The following RALB variants were observed in gnomAD, a reference collection of about 807,000 sequenced individuals.
RALB encodes the protein ras-related protein Ral-B.
A neutral mutation model predicts 21.3 loss-of-function variants in RALB; 16 were observed. The observed-to-expected ratio is 0.75, with a 90% CI of 0.51 to 1.14. RALB has a LOEUF of 1.14. Among genes scored for constraint, RALB ranks in the 50% most tolerant of loss-of-function variants. RALB has a pLI of 0.00. For synonymous variants in RALB, 93 were observed against 96.1 expected (o/e 0.97, Z 0.19); for missense variants, 161 against 256.2 (o/e 0.63, Z 2.54).
chr2:120,248,108 T>G (rs2104569575), upstream of RALB, among the ~76,000 whole-genome samples: 1 of 152,320 alleles, frequency 6.6e-6, no homozygotes, highest in South Asian at 2.1e-4. Flanking sequence ...AAGCTCCTCT[T>G]GCTGTGGCTG....
intron 2 of RALB, among the ~76,000 whole-genome samples, chr2:120,282,499 G>A (rs1690013512): frequency 7.0e-6 from 1 of 143,432 alleles, no homozygotes. Context: ...AGATAACAGA[G>A]CTAGCACTGC....
intron 1 of RALB, among the ~76,000 whole-genome samples, chr2:120,247,421 A>G (rs1019236675): frequency 2.0e-5 from 3 of 152,164 alleles, no homozygotes; most frequent in African/African-American, 7.2e-5. Context: ...TGGGCCTCTG[A>G]CTTTCTAAGA....
chr2:120,279,016 C>G (rs1689917991), intron 2 of RALB, among the ~76,000 whole-genome samples: 1 of 152,170 alleles, frequency 6.6e-6, no homozygotes, highest in Non-Finnish European at 1.5e-5. Context: ...TGCATCGTTT[C>G]CATTGTTATA....
chr2:120,264,204 G>A (rs1217189688), intron 1 of RALB, among the ~76,000 whole-genome samples: 2 of 152,052 alleles, frequency 1.3e-5, no homozygotes, highest in Non-Finnish European at 2.9e-5. Flanking sequence ...AGGCTGGAGT[G>A]TAGTGGTGTG....
chr2:120,272,900 G>T (rs1689700595), intron 1 of RALB, among the ~76,000 whole-genome samples: 1 of 152,154 alleles, frequency 6.6e-6, no homozygotes. Flanking sequence ...TAATCTGTCT[G>T]AACCACTAGT....
At chr2:120,279,219 C>G (rs567885775) in intron 2 of RALB, among the ~76,000 whole-genome samples, 1 of 152,226 alleles carries the variant, frequency 6.6e-6, no homozygotes, top group South Asian at 2.1e-4. Flanking sequence ...TTCTCCCGTG[C>G]GGCAAGGTAA....
chr2:120,278,478 G>C, intron 1 of RALB, 140 bp from the exon 2 acceptor site: 1 of 811,376 alleles, frequency 1.2e-6, no homozygotes, highest in South Asian at 2.4e-5. Context: ...GGGCTCGCAT[G>C]TCTGCCCTGA....
chr2:120,253,532 GC>G, intron 1 of RALB: 1 of 985,672 alleles, frequency 1.0e-6, no homozygotes, highest in Non-Finnish European at 1.2e-6. Flanking sequence ...GGGGCCAGCG[GC>G]GAAGGGGCTT....
intron 1 of RALB, among the ~76,000 whole-genome samples, chr2:120,244,727 A>G (rs935296723): frequency 2.0e-5 from 3 of 152,086 alleles, no homozygotes; most frequent in Non-Finnish European, 2.9e-5. Flanking sequence ...GATGTATAAC[A>G]CCCCAGCTGC....
At chr2:120,243,582 T>C (rs115382458) in intron 1 of RALB, among the ~76,000 whole-genome samples, 64 of 152,284 alleles carry the variant, frequency 4.2e-4, no homozygotes, top group Non-Finnish European at 8.7e-4. Context: ...CTGAGAGCTG[T>C]GTCTTGGGCC....
At chr2:120,250,446 C>T (rs1327276672), upstream of RALB, among the ~76,000 whole-genome samples, 2 of 152,194 alleles carry the variant, frequency 1.3e-5, no homozygotes, top group Non-Finnish European at 2.9e-5. Context: ...TTTCTGCTCA[C>T]AAGTGATCGG....
At chr2:120,249,738 A>G (rs1689024568), upstream of RALB, among the ~76,000 whole-genome samples, 1 of 152,204 alleles carries the variant, frequency 6.6e-6, no homozygotes, top group Non-Finnish European at 1.5e-5. Flanking sequence ...GAGGGGACAC[A>G]CATCCAAACC....
intron 1 of RALB, among the ~76,000 whole-genome samples, chr2:120,243,996 C>G (rs879513036): frequency 2.0e-5 from 3 of 152,172 alleles, no homozygotes; most frequent in Admixed American, 2.0e-4. Context: ...ACAGGCTGTA[C>G]AGGAACTATG....
intron 2 of RALB, among the ~76,000 whole-genome samples, chr2:120,281,390 A>C (rs1244100194): frequency 1.3e-5 from 2 of 152,376 alleles, no homozygotes; most frequent in African/African-American, 4.8e-5. Context: ...CCTCACTGAG[A>C]GTCACCCGGG....
intron 1 of RALB, among the ~76,000 whole-genome samples, chr2:120,270,220 G>A (rs889992167): frequency 5.3e-5 from 8 of 151,754 alleles, no homozygotes; most frequent in African/African-American, 1.2e-4. Context: ...TTATTTTCCC[G>A]TTTTTTAGCT....
Position 120,245,835 on chromosome 2 carries a change from A to C in RALB, c.19+5710A>C, listed in dbSNP as rs1410552730. Reference sequence around the variant, plus strand: ...ATGCTGCCTTCCCACTGTGGAGCCCACCCCAATGTCATTGCTGCTTTATTT... The same window carrying C: ...ATGCTGCCTTCCCACTGTGGAGCCCCCCCCAATGTCATTGCTGCTTTATTT... On this transcript the variant is annotated intron_variant, in intron 1 of 3. Transcript: ENST00000447591. Among the ~76,000 whole-genome samples, 4 of 152,084 alleles carry C rather than the reference A, an allele frequency of 2.6e-5. No homozygotes were observed. The East Asian group carries it at 7.8e-4, about 29-fold the overall frequency.
intron 1 of RALB, among the ~76,000 whole-genome samples, chr2:120,271,161 A>G (rs540613637): frequency 1.2e-4 from 18 of 152,340 alleles, no homozygotes; most frequent in Middle Eastern, 3.4e-3. Flanking sequence ...AGCTTAATAA[A>G]AGACTGACTA....
intron 1 of RALB, 99 bp downstream of exon 1, chr2:120,253,079 G>T (rs111622118): frequency 1.2e-6 from 1 of 822,330 alleles, no homozygotes; most frequent in East Asian, 1.2e-4. Context: ...TCCGTGCCGG[G>T]CTGTGGCCGG....
At chr2:120,241,662 G>A (rs1463459774) in intron 1 of RALB, among the ~76,000 whole-genome samples, 2 of 152,144 alleles carry the variant, frequency 1.3e-5, no homozygotes, top group Non-Finnish European at 2.9e-5. Flanking sequence ...GGAAGTGGAG[G>A]TTGCAGTGAG....
Sources: allele counts gnomAD v4.1 joint callset (sites outside exome capture counted in the v4.1 genomes callset), GRCh38; gene constraint gnomAD v4.1.1; transcripts MANE v1.5; gene names NCBI Gene and HGNC (gene_info 2026-07-23, HGNC 2026-07-21).